Variants in DGKI observed in about 807,000 individuals in gnomAD.
DGKI encodes the protein diacylglycerol kinase iota, also known as DAG kinase iota.
Under a neutral mutation model 147.5 loss-of-function variants are expected in DGKI, and 55 were observed. That is an observed-to-expected ratio of 0.37 (90% CI 0.30 to 0.47). The LOEUF is 0.47. Among genes scored for constraint, DGKI ranks in the 20% least tolerant of loss-of-function variants. DGKI has a pLI of 1.00. For missense variants in DGKI, 1,007 were observed against 1,323.8 expected (o/e 0.76, Z 3.71); for synonymous variants, 469 against 477.1 (o/e 0.98, Z 0.22).
chr7:137,642,282 G>T (rs1821656509), intron 6 of DGKI, among the ~76,000 whole-genome samples: 1 of 135,688 alleles, frequency 7.4e-6, no homozygotes, highest in African/African-American at 3.8e-5. Context: ...GGTATCTACT[G>T]GGTATCTATT....
chr7:137,821,295 G>A (rs889869), intron 1 of DGKI, among the ~76,000 whole-genome samples: 82,422 of 151,754 alleles, frequency 0.54, 23,670 homozygotes, highest in African/African-American at 0.71. Flanking sequence ...GAATGAATGC[G>A]ACTTAATTGC....
At chr7:137,400,363 T>C (rs1348772695) in intron 30 of DGKI, among the ~76,000 whole-genome samples, 6 of 152,218 alleles carry the variant, frequency 3.9e-5, no homozygotes, top group Admixed American at 6.5e-5. Flanking sequence ...CACAACTATT[T>C]AGGCAACAGG....
intron 6 of DGKI, among the ~76,000 whole-genome samples, chr7:137,632,925 G>C (rs1334321511): frequency 6.6e-6 from 1 of 151,690 alleles, no homozygotes; most frequent in Non-Finnish European, 1.5e-5. Flanking sequence ...AAAAAAGCAG[G>C]AGTCTAACCA....
At chr7:137,493,042 G>A (rs1195237961) in intron 21 of DGKI, among the ~76,000 whole-genome samples, 5 of 152,106 alleles carry the variant, frequency 3.3e-5, no homozygotes, top group Non-Finnish European at 7.4e-5. Context: ...TTGCCAGTGT[G>A]TGTGTGCCAG....
At chr7:137,431,174 G>A (rs1211116747) in intron 28 of DGKI, among the ~76,000 whole-genome samples, 15 of 152,016 alleles carry the variant, frequency 9.9e-5, no homozygotes, top group Admixed American at 9.8e-4. Context: ...GAGGCACACA[G>A]TCAGAGAAAC....
chr7:137,450,971 T>G (rs1248506081), intron 27 of DGKI, among the ~76,000 whole-genome samples: 1 of 152,008 alleles, frequency 6.6e-6, no homozygotes, highest in East Asian at 1.9e-4. Flanking sequence ...GGGAAGCTCT[T>G]GGAAAACAAA....
At chr7:137,818,370 C>T (rs1350085784) in intron 1 of DGKI, among the ~76,000 whole-genome samples, 1 of 152,196 alleles carries the variant, frequency 6.6e-6, no homozygotes, top group Non-Finnish European at 1.5e-5. Context: ...TGTATCTGTA[C>T]ATTCATGAAC....
chr7:137,584,835 A>G (rs1819329673), intron 14 of DGKI, among the ~76,000 whole-genome samples: 1 of 152,224 alleles, frequency 6.6e-6, no homozygotes, highest in Non-Finnish European at 1.5e-5. Flanking sequence ...AAATCTCAGG[A>G]GGTTATATTT....
intron 20 of DGKI, among the ~76,000 whole-genome samples, chr7:137,551,067 T>C (rs1246798579): frequency 6.6e-6 from 1 of 150,642 alleles, no homozygotes; most frequent in Non-Finnish European, 1.5e-5. Flanking sequence ...GAGCGAGGAG[T>C]TTCACTAAAT....
At chr7:137,842,416 C>T (rs1441986618) in intron 1 of DGKI, among the ~76,000 whole-genome samples, 1 of 152,176 alleles carries the variant, frequency 6.6e-6, no homozygotes, top group East Asian at 1.9e-4. Flanking sequence ...TTTAATACTC[C>T]TTGCTCCTAT....
chr7:137,776,536 G>GA (rs1796367036), intron 1 of DGKI, among the ~76,000 whole-genome samples: 1 of 152,210 alleles, frequency 6.6e-6, no homozygotes, highest in Non-Finnish European at 1.5e-5. Flanking sequence ...AAAAAATATA[G>GA]AAGGATTACA....
chr7:137,497,175 T>C (rs1411690481), intron 21 of DGKI, among the ~76,000 whole-genome samples: 1 of 148,008 alleles, frequency 6.8e-6, no homozygotes, highest in Non-Finnish European at 1.5e-5. Context: ...TATCCGGCAA[T>C]CAATCATAGA....
chr7:137,452,656 T>C (rs751489124), intron 27 of DGKI, among the ~76,000 whole-genome samples: 1 of 152,208 alleles, frequency 6.6e-6, no homozygotes, highest in Non-Finnish European at 1.5e-5. Flanking sequence ...CCACTTTCTA[T>C]AAACATCAGG....
intron 1 of DGKI, among the ~76,000 whole-genome samples, chr7:137,696,211 A>C (rs552512125): frequency 6.6e-6 from 1 of 152,190 alleles, no homozygotes; most frequent in Non-Finnish European, 1.5e-5. Context: ...GGGGTTATTC[A>C]AACAGAAGAT....
At chr7:137,722,887 G>GT in intron 1 of DGKI, 1 of 526,678 alleles carries the variant, frequency 1.9e-6, no homozygotes, top group South Asian at 2.7e-5. Context: ...AGTTGACTAC[G>GT]TTAAAAAAAA....
At chr7:137,452,503 G>A (rs1292284780) in intron 27 of DGKI, among the ~76,000 whole-genome samples, 1 of 152,204 alleles carries the variant, frequency 6.6e-6, no homozygotes, top group African/African-American at 2.4e-5. Context: ...TTATTGTGAA[G>A]TTCTTGTTGG....
chr7:137,723,698 CCTT>C (rs1563167698), intron 1 of DGKI, among the ~76,000 whole-genome samples: 1 of 140,450 alleles, frequency 7.1e-6, no homozygotes, highest in African/African-American at 2.8e-5. Context: ...TCATGATATC[CCTT>C]TTTTTTTTTT....
intron 12 of DGKI, among the ~76,000 whole-genome samples, chr7:137,596,578 ACGTTGGGT>A (rs1819806150): frequency 6.6e-6 from 1 of 152,164 alleles, no homozygotes; most frequent in Admixed American, 6.5e-5. Flanking sequence ...ATTTTGAAAA[ACGTTGGGT>A]TTAAAAAAGT....
chr7:137,467,365 C>T (rs2128927189), intron 24 of DGKI, among the ~76,000 whole-genome samples: 1 of 152,284 alleles, frequency 6.6e-6, no homozygotes, highest in East Asian at 1.9e-4. Flanking sequence ...TTCATTTAAT[C>T]TTTTATGCCT....
Sources: allele counts gnomAD v4.1 joint callset (sites outside exome capture counted in the v4.1 genomes callset), GRCh38; gene constraint gnomAD v4.1.1; transcripts MANE v1.5; gene names NCBI Gene and HGNC (gene_info 2026-07-23, HGNC 2026-07-21).